Variants in MED13 observed in about 807,000 individuals in gnomAD.
The protein encoded by MED13 is mediator complex subunit 13.
MED13 carries 23 observed loss-of-function variants against 225.2 expected under a neutral mutation model. The ratio of observed to expected loss-of-function variants is 0.10; its 90% CI spans 0.07 to 0.14. The LOEUF (loss-of-function observed/expected upper bound fraction) is 0.14, where lower values mean the gene tolerates loss of function less well. Ranked by LOEUF, MED13 falls within the 10% of genes least tolerant of loss-of-function variation. MED13 has a pLI of 1.00. For synonymous variants in MED13, 942 were observed against 889.2 expected, an observed-to-expected ratio of 1.06 and a Z score of -1.06; for missense variants, 2,197 against 2,594.5, an observed-to-expected ratio of 0.85 and a Z score of 3.33.
At chr17:62,015,915 CATATATATATATATATATATAT>C (rs1198126410) in intron 8 of MED13, among the ~76,000 whole-genome samples, 17 of 8,608 alleles carry the variant, frequency 2.0e-3, no homozygotes, top group Non-Finnish European at 3.3e-3. Flanking sequence ...ACACTATACA[CATATATATATATATATATATAT>C]ATATATATAT....
chr17:62,049,816 G>C (rs1028151606), intron 3 of MED13, among the ~76,000 whole-genome samples: 1 of 151,692 alleles, frequency 6.6e-6, no homozygotes, highest in African/African-American at 2.4e-5. Context: ...TGTAGTCCCA[G>C]CTACTCGGGA....
intron 7 of MED13, 65 bp downstream of exon 7, chr17:62,029,786 G>GAT (rs1371963201): frequency 3.3e-6 from 5 of 1,524,710 alleles, no homozygotes; most frequent in Non-Finnish European, 4.4e-6. Context: ...TTATACTTTA[G>GAT]ATATCTTCTA....
At chr17:62,046,666 G>T (rs1415465250) in intron 3 of MED13, among the ~76,000 whole-genome samples, 1 of 152,002 alleles carries the variant, frequency 6.6e-6, no homozygotes, top group Non-Finnish European at 1.5e-5. Flanking sequence ...GTGATATCTT[G>T]TCTCTACAAA....
intron 9 of MED13, among the ~76,000 whole-genome samples, chr17:61,996,661 G>A (rs2080349527): frequency 6.6e-6 from 1 of 152,020 alleles, no homozygotes; most frequent in Admixed American, 6.6e-5. Flanking sequence ...TGTCACCTAT[G>A]AGCCCATAAC....
intron 9 of MED13, chr17:62,007,053 A>C (rs1487356121): frequency 1.3e-5 from 2 of 152,248 alleles, no homozygotes; most frequent in East Asian, 3.9e-4. Context: ...CATCCTGGCT[A>C]ACAAGGTGAA....
chr17:61,971,555 C>T (rs1053664317), intron 17 of MED13, among the ~76,000 whole-genome samples: 7 of 152,114 alleles, frequency 4.6e-5, no homozygotes, highest in African/African-American at 1.7e-4. Flanking sequence ...CCTGCCTTGG[C>T]CTTCAAAAGT....
Position 62,010,576 on chromosome 17 carries a change from T to C in MED13, c.1941A>G (p.Gly647=), listed in dbSNP as rs950070040. The C allele has an allele frequency of 1.4e-6, 2 of 1,468,716 alleles. No homozygotes were observed. The highest frequency in any genetic ancestry group is 2.8e-5 in the African/African-American group (2 of 70,926). The allele number at this position is 1,468,716 out of a possible 1,614,324, so 91.0% of individuals were successfully genotyped here. A position where few individuals can be genotyped will look rare whatever the true frequency, so the allele number is the denominator to read the frequency against. Residue 647 remains glycine (G), a synonymous_variant, in exon 9 of 30, where the codon GGA becomes GGG. Transcript: ENST00000397786. ...CTGTAACTGATGTTACACTTTCCTG[T>C]CCAAAAGGTCCAACTGGATCATCCT... ...KFKDDPVGPF[G]QESVTSVTEL...
At chr17:62,043,156 CAAAAAAAAAA>C (rs764530614) in intron 3 of MED13, among the ~76,000 whole-genome samples, 9 of 31,660 alleles carry the variant, frequency 2.8e-4, no homozygotes, top group Admixed American at 5.9e-4. Context: ...ACCCTGTCTC[CAAAAAAAAAA>C]AAAAAAAAAA....
At chr17:61,955,980 GTCA>G (rs1279000413) in intron 24 of MED13, 142 bp from the exon 25 acceptor site, 30 of 1,298,678 alleles carry the variant, frequency 2.3e-5, no homozygotes, top group Admixed American at 3.6e-5. Flanking sequence ...TCCAACACGA[GTCA>G]TCATCAAGCC....
chr17:62,003,060 G>A (rs1326878647), intron 9 of MED13, among the ~76,000 whole-genome samples: 6 of 152,164 alleles, frequency 3.9e-5, no homozygotes, highest in South Asian at 4.1e-4. Flanking sequence ...GTTACCTGGG[G>A]ATGGGGCTGG....
At chr17:62,046,646 A>G (rs2080900091) in intron 3 of MED13, among the ~76,000 whole-genome samples, 1 of 152,034 alleles carries the variant, frequency 6.6e-6, no homozygotes, top group Non-Finnish European at 1.5e-5. Flanking sequence ...AGACCAGCCT[A>G]GGCAACATGG....
chr17:62,033,109 C>T (rs575795871), intron 5 of MED13, among the ~76,000 whole-genome samples: 6 of 151,938 alleles, frequency 3.9e-5, no homozygotes, highest in Admixed American at 6.5e-5. Context: ...GCCAAGATCG[C>T]GCCATTGCAC....
At chr17:61,969,713 C>T (rs1356237995) in intron 17 of MED13, among the ~76,000 whole-genome samples, 2 of 151,958 alleles carry the variant, frequency 1.3e-5, no homozygotes, top group Admixed American at 1.3e-4. Flanking sequence ...GCAATTATCT[C>T]ACCTCAGCCT....
Position 61,946,512 on chromosome 17 carries a change from C to T in MED13, c.6481G>A (p.Val2161Met). Residue 2161 changes from valine to methionine, a missense_variant, in exon 30 of 30, where the codon GTG becomes ATG. Around this residue, in one of 12 missense-constraint regions of MED13, gnomAD observed 216 missense variants for 388.9 expected, o/e 0.56. Coordinates refer to ENST00000397786, the MANE Select transcript of MED13 (RefSeq NM_005121.3). ...AAGTTATATAACTGATTCAGCACCA[C>T]AAAATGAATTGGGAGACATGAGCGT... is the stretch of plus-strand genomic sequence containing the variant. ...DRRSCLPIHF[V>M]VLNQLYNFIM... 1 of 1,613,884 alleles carries T rather than the reference C, an allele frequency of 6.2e-7. No individual in the cohort carries two copies. The highest frequency in any genetic ancestry group is 8.5e-7 in the Non-Finnish European group (1 of 1,179,808).
intron 17 of MED13, among the ~76,000 whole-genome samples, chr17:61,970,408 T>C (rs1318696827): frequency 1.3e-5 from 2 of 152,146 alleles, no homozygotes; most frequent in South Asian, 2.1e-4. Context: ...GGGCTGGGCA[T>C]GGTGGCTCAC....
chr17:61,946,852 T>C, intron 29 of MED13, 65 bp downstream of exon 29: 3 of 1,421,964 alleles, frequency 2.1e-6, no homozygotes, highest in South Asian at 1.2e-5. Context: ...GAAAAATATA[T>C]AAGAATCAAC....
intron 2 of MED13, among the ~76,000 whole-genome samples, chr17:62,061,489 TAAG>T (rs761563394): frequency 1.3e-5 from 2 of 152,246 alleles, no homozygotes; most frequent in African/African-American, 2.4e-5. Flanking sequence ...CCAACTTTAT[TAAG>T]AAGACCAAAG....
In MED13 at chr17:62,010,996, T is replaced by C; in HGVS notation, c.1521A>G (p.Arg507=). ...LVISAPDSQV[R]FSNIRTNDVA... ...CATCATTAGTTCGGATATTTGAAAA[T>C]CTCACTTGACTGTCTGGAGCAGAGA... The change falls in exon 9 of 30, where the codon AGA becomes AGG. Residue 507 remains arginine (R), a synonymous_variant. Transcript: ENST00000397786. 6.2e-7 allele frequency: 1 copy of C among 1,613,558 alleles called. No individual in the cohort carries two copies.
Position 62,029,717 on chromosome 17 carries a change from T to C in MED13, c.1173-66A>G, listed in dbSNP as rs1312073614. ...TTTTCTATCAAACCTCAATGTAGCA[T>C]TGAAATTAATTTTAAAGATCAACAT... is the stretch of plus-strand genomic sequence containing the variant. On this transcript the variant is annotated intron_variant, in intron 7 of 29. Coordinates refer to ENST00000397786, the MANE Select transcript of MED13 (RefSeq NM_005121.3). 1.0e-5 allele frequency: 16 copies of C among 1,529,110 alleles called. No homozygotes were observed. The Middle Eastern group carries it at 5.2e-4, about 50-fold the overall frequency. The allele number at this position is 1,529,110 out of a possible 1,614,324, so 94.7% of individuals were successfully genotyped here.
Sources: gnomAD v4.1 joint callset for allele counts (sites outside exome capture counted in the v4.1 genomes callset) on GRCh38, gnomAD v4.1.1 for gene constraint, gnomAD v4.1.1 regional missense constraint, MANE v1.5 for transcripts, NCBI Gene and HGNC (gene_info 2026-07-23, HGNC 2026-07-21) for gene names.